NRXN3: variants seen among roughly 807,000 people sequenced by gnomAD.
NRXN3 encodes neurexin 3.
A neutral mutation model predicts 137.6 loss-of-function variants in NRXN3; 32 were observed. The ratio of observed to expected loss-of-function variants is 0.23; its 90% CI spans 0.18 to 0.31. The LOEUF (loss-of-function observed/expected upper bound fraction) is 0.31. Among genes scored for constraint, NRXN3 ranks in the 10% least tolerant of loss-of-function variants. The probability of loss-of-function intolerance (pLI) is 1.00; values close to 1 mark genes in which losing one functional copy is unlikely to be tolerated. For missense variants in NRXN3, 1,574 were observed against 2,062.5 expected (o/e 0.76, Z 4.59); for synonymous variants, 798 against 784.5 (o/e 1.02, Z -0.29).
In NRXN3 at chr14:78,530,687, A is replaced by C. The variant is rs142519489; in HGVS notation, c.758-114433A>C. 5.3e-5 allele frequency among the ~76,000 whole-genome samples: 8 copies of C among 152,330 alleles called. No individual in the cohort carries two copies. In the East Asian group the frequency reaches 1.5e-3, roughly 29 times the overall value. On this transcript the variant is annotated intron_variant, in intron 4 of 20. Coordinates refer to ENST00000335750, the MANE Select transcript of NRXN3 (RefSeq NM_001330195.2). ...CTAAAAGCTGGGTCATACTATTGCC[A>C]GGGCAAGAATTACAAAAGCAGGTAA...
chr14:79,134,669 AT>A (rs938610545), intron 15 of NRXN3, among the ~76,000 whole-genome samples: 14 of 152,090 alleles, frequency 9.2e-5, no homozygotes, highest in African/African-American at 3.4e-4. Flanking sequence ...CACTTTGTCA[AT>A]TTTTTTCTTC....
At chr14:79,334,201 T>TTTCCA (rs2092046759) in intron 15 of NRXN3, among the ~76,000 whole-genome samples, 2 of 151,898 alleles carry the variant, frequency 1.3e-5, no homozygotes. Flanking sequence ...TAAACCAATC[T>TTTCCA]GGAAATAAAT....
chr14:79,378,519 T>C (rs1240951852), intron 15 of NRXN3, among the ~76,000 whole-genome samples: 1 of 152,172 alleles, frequency 6.6e-6, no homozygotes, highest in Non-Finnish European at 1.5e-5. Flanking sequence ...AAATAAATAA[T>C]GCAGATAGAA....
intron 16 of NRXN3, among the ~76,000 whole-genome samples, chr14:79,629,546 T>G (rs1276833843): frequency 6.6e-6 from 1 of 151,868 alleles, no homozygotes; most frequent in African/African-American, 2.4e-5. Flanking sequence ...TGAATCATGG[T>G]GGGGGGTAGG....
chr14:79,539,208 A>G lies in NRXN3; in HGVS notation c.3444+71806A>G, dbSNP rs1193292007. Among the ~76,000 whole-genome samples, 5 of 150,848 alleles carry G rather than the reference A, an allele frequency of 3.3e-5. No individual in the cohort carries two copies. In the Middle Eastern group the frequency reaches 0.01, roughly 308 times the overall value. On this transcript the variant is annotated intron_variant, in intron 16 of 20. Transcript: ENST00000335750. ...CACACCTGGCTAATTTTTTTTTTGT[A>G]TTTTTAGCAGAGACTGGGTTTCACC...
chr14:79,820,779 T>A (rs2099269541), intron 20 of NRXN3, among the ~76,000 whole-genome samples: 1 of 152,178 alleles, frequency 6.6e-6, no homozygotes, highest in Non-Finnish European at 1.5e-5. Flanking sequence ...CTCTTTAACA[T>A]CTTTCACATT....
chr14:78,294,552 T>C (rs2076122357), intron 3 of NRXN3, among the ~76,000 whole-genome samples: 2 of 61,244 alleles, frequency 3.3e-5, no homozygotes, highest in African/African-American at 1.1e-4. Flanking sequence ...TGAGATTCCG[T>C]CTCAAAAAAA....
chr14:78,916,930 T>C (rs1423094227), intron 10 of NRXN3, among the ~76,000 whole-genome samples: 1 of 152,182 alleles, frequency 6.6e-6, no homozygotes, highest in African/African-American at 2.4e-5. Flanking sequence ...ATTGTCTTCC[T>C]GCTGAACATG....
chr14:79,409,976 A>G (rs563870603), intron 15 of NRXN3, among the ~76,000 whole-genome samples: 3 of 151,942 alleles, frequency 2.0e-5, no homozygotes, highest in Admixed American at 1.3e-4. Context: ...AAAGGAATAA[A>G]TTATATATTT....
rs562168824 is a variant in NRXN3 at position 79,862,238 on chromosome 14, T to C, written c.*274T>C. 9.5e-6 allele frequency: 3 copies of C among 315,900 alleles called. No individual in the cohort carries two copies. The highest frequency in any genetic ancestry group is 6.1e-5 in the East Asian group (1 of 16,324). 19.6% of individuals were successfully genotyped at this position (315,900 alleles called of 1,614,324 possible). On this transcript the variant is annotated 3_prime_UTR_variant, in exon 21 of 21. Transcript: ENST00000335750. ...CCTGCTGTATCATAAAGCACACACT[T>C]AGCGCTCTGGAGCCGGACGGTGGCT...
In NRXN3 at chr14:79,093,018, A is replaced by T. The variant is rs561807825; in HGVS notation, c.3262+104877A>T. On this transcript the variant is annotated intron_variant, in intron 15 of 20. Transcript: ENST00000335750. ...CATCTGGATTCACTCACTCATTCACACATTCATTTATTCACACTCAACAAA... is the reference window on the plus strand; with the variant it reads ...CATCTGGATTCACTCACTCATTCACTCATTCATTTATTCACACTCAACAAA... Among the ~76,000 whole-genome samples, 13 of 152,312 alleles carry T rather than the reference A, an allele frequency of 8.5e-5. No homozygotes were observed. The South Asian group carries it at 2.7e-3, about 32-fold the overall frequency.
intron 8 of NRXN3, among the ~76,000 whole-genome samples, chr14:78,767,138 G>T (rs781392089): frequency 2.0e-5 from 3 of 152,178 alleles, no homozygotes; most frequent in Non-Finnish European, 4.4e-5. Context: ...CAAGCACAGG[G>T]TTGTGATCTC....
intron 16 of NRXN3, among the ~76,000 whole-genome samples, chr14:79,570,898 T>A (rs2097593885): frequency 6.6e-6 from 1 of 152,210 alleles, no homozygotes; most frequent in South Asian, 2.1e-4. Flanking sequence ...GCAAGTGAGC[T>A]GAGCAAGCTC....
chr14:79,317,356 A>G (rs1175840302), intron 15 of NRXN3, among the ~76,000 whole-genome samples: 1 of 152,144 alleles, frequency 6.6e-6, no homozygotes, highest in Non-Finnish European at 1.5e-5. Context: ...TTTGGTTTGC[A>G]GCTGCAGCAC....
intron 16 of NRXN3, among the ~76,000 whole-genome samples, chr14:79,491,328 A>G (rs1252936220): frequency 6.6e-6 from 1 of 152,248 alleles, no homozygotes; most frequent in Admixed American, 6.5e-5. Context: ...CTCAGCCTCC[A>G]TGTTTTTCTA....
intron 3 of NRXN3, among the ~76,000 whole-genome samples, chr14:78,280,894 A>G (rs2074317975): frequency 1.3e-5 from 2 of 152,086 alleles, no homozygotes; most frequent in African/African-American, 4.8e-5. Context: ...TTGTTCTGTT[A>G]TCCCTCTGAG....
chr14:78,807,628 G>A (rs949805871), intron 9 of NRXN3, among the ~76,000 whole-genome samples: 69 of 151,374 alleles, frequency 4.6e-4, no homozygotes, highest in South Asian at 2.5e-3. Context: ...CCAGCTACTC[G>A]AGAGGCTGAG....
chr14:78,845,343 G>A (rs1044891909), intron 10 of NRXN3, among the ~76,000 whole-genome samples: 1 of 151,968 alleles, frequency 6.6e-6, no homozygotes, highest in Non-Finnish European at 1.5e-5. Flanking sequence ...AAGAAATGTT[G>A]CCAACACTCA....
At chr14:78,963,143 G>C (rs1323474533) in intron 11 of NRXN3, among the ~76,000 whole-genome samples, 1 of 150,790 alleles carries the variant, frequency 6.6e-6, no homozygotes, top group Non-Finnish European at 1.5e-5. Flanking sequence ...TCCACGCTCA[G>C]TCTCTCTGCT....
Sources: gnomAD v4.1 joint callset for allele counts (sites outside exome capture counted in the v4.1 genomes callset) on GRCh38, gnomAD v4.1.1 for gene constraint, MANE v1.5 for transcripts, NCBI Gene and HGNC (gene_info 2026-07-23, HGNC 2026-07-21) for gene names.